The following PIK3CD variants were observed in gnomAD, a reference collection of about 807,000 sequenced individuals.
PIK3CD encodes phosphatidylinositol-4,5-bisphosphate 3-kinase catalytic subunit delta.
Under a neutral mutation model 122.9 loss-of-function variants are expected in PIK3CD, and 20 were observed. The observed-to-expected ratio is 0.16, with a 90% confidence interval of 0.11 to 0.24. The LOEUF (loss-of-function observed/expected upper bound fraction) is 0.24. PIK3CD is among the 10% of genes least tolerant of loss of function. The pLI, the probability that PIK3CD is intolerant of heterozygous loss-of-function variation, is 1.00. For synonymous variants in PIK3CD, 596 were observed against 593.4 expected (o/e 1.00, Z -0.06); for missense variants, 787 against 1,406.3 (o/e 0.56, Z 7.04).
At chr1:9,691,124 G>A (rs1646182010) in intron 1 of PIK3CD, among the ~76,000 whole-genome samples, 1 of 152,176 alleles carries the variant, frequency 6.6e-6, no homozygotes, top group Non-Finnish European at 1.5e-5. Context: ...AATGGAACTC[G>A]AACCCAGGCT....
In PIK3CD at chr1:9,695,733, T is replaced by C. The variant is rs532324141; in HGVS notation, c.-33+4162T>C. Among the ~76,000 whole-genome samples, 365 of 151,790 alleles carry C rather than the reference T, an allele frequency of 2.4e-3. 1 individual carries two copies. The highest frequency in any genetic ancestry group is 8.1e-3 in the African/African-American group (335 of 41,438). ...GGCATGTGCCTGTAATCCCAGCTAC[T>C]TGGGAGGCTGAGGCAGGAGAATCGC... is the stretch of plus-strand genomic sequence containing the variant. On this transcript the variant is annotated intron_variant, in intron 2 of 23. Transcript: ENST00000377346.
chr1:9,725,636 T>TG (rs1452339949), intron 23 of PIK3CD, among the ~76,000 whole-genome samples: 1 of 151,884 alleles, frequency 6.6e-6, no homozygotes, highest in Non-Finnish European at 1.5e-5. Flanking sequence ...CCCAGCACTT[T>TG]GGGGGGCTGA....
intron 1 of PIK3CD, among the ~76,000 whole-genome samples, chr1:9,675,285 C>A (rs966547315): frequency 1.4e-5 from 2 of 144,388 alleles, no homozygotes; most frequent in African/African-American, 5.2e-5. Context: ...ACTCGGGAGG[C>A]TGAGGCAGGA....
the PIK3CD span, among the ~76,000 whole-genome samples, chr1:9,638,731 CAA>C: frequency 5.8e-5 from 4 of 69,226 alleles, no homozygotes; most frequent in Admixed American, 2.0e-4. Flanking sequence ...GACTCCTTCT[CAA>C]AAAAAAAAAA....
rs1222369456 is a variant in PIK3CD at position 9,722,835 on chromosome 1, C to G, written c.2426+229C>G. On this transcript the variant is annotated intron_variant, in intron 19 of 23. Transcript: ENST00000377346. The surrounding 1 kb of genome is among the most constrained non-coding windows in gnomAD (Gnocchi z 7.6). ...TACCCTGCTCTGTTGCTTTAGTTGC[C>G]CAGGTGCCCCTGGCTTCCCCAGCCC... 1.3e-5 allele frequency among the ~76,000 whole-genome samples: 2 copies of G among 152,102 alleles called. No individual in the cohort carries two copies. The highest frequency in any genetic ancestry group is 1.9e-4 in the East Asian group (1 of 5,176).
intron 2 of PIK3CD, among the ~76,000 whole-genome samples, chr1:9,702,666 A>G (rs1433498222): frequency 6.6e-6 from 1 of 151,180 alleles, no homozygotes; most frequent in African/African-American, 2.4e-5. Flanking sequence ...GATTATAGGC[A>G]TGTGCCACCA....
the PIK3CD span, among the ~76,000 whole-genome samples, chr1:9,642,090 T>C: frequency 9.4e-5 from 14 of 149,146 alleles, no homozygotes; most frequent in African/African-American, 3.5e-4. Flanking sequence ...CTTTCTGTTC[T>C]ATTTTTTAAT....
At chr1:9,630,739 T>TGC in the PIK3CD span, among the ~76,000 whole-genome samples, 7,207 of 150,904 alleles carry the variant, frequency 0.048, 515 homozygotes, top group East Asian at 0.34. Context: ...TGTGTGTGTG[T>TGC]GCAGAAGAGG....
intron 1 of PIK3CD, chr1:9,660,757 C>T (rs920613388): frequency 6.6e-6 from 1 of 152,100 alleles, no homozygotes; most frequent in African/African-American, 2.4e-5. Context: ...CTTTCAGTCG[C>T]CAGTTCTACT....
At position 9,718,000 on chromosome 1, in the gene PIK3CD, C is replaced by T. The variant is rs980628097; in HGVS notation, c.1020+374C>T. 4 of 458,598 alleles carry T rather than the reference C, an allele frequency of 8.7e-6. No homozygotes were observed. The highest frequency in any genetic ancestry group is 5.4e-5 in the East Asian group (1 of 18,446). The allele number at this position is 458,598 out of a possible 1,614,324, so 28.4% of individuals were successfully genotyped here. A position where few individuals can be genotyped will look rare whatever the true frequency, so the allele number is the denominator to read the frequency against. On this transcript the variant is annotated intron_variant, in intron 8 of 23. Coordinates refer to ENST00000377346, the MANE Select transcript of PIK3CD (RefSeq NM_005026.5). The surrounding 1 kb of genome is among the most constrained non-coding windows in gnomAD (Gnocchi z 5.4). ...GTGGTGCTCCCTGGAGGCACCAGGG[C>T]GGTGCCTGCAGCCTGTGAGGGCTGC...
At chr1:9,631,578 C>A in the PIK3CD span, among the ~76,000 whole-genome samples, 1 of 152,208 alleles carries the variant, frequency 6.6e-6, no homozygotes, top group East Asian at 1.9e-4. Context: ...ATCGTTTGAA[C>A]CCTGGATGCG....
intron 1 of PIK3CD, among the ~76,000 whole-genome samples, chr1:9,671,306 C>T (rs957587085): frequency 1.3e-5 from 2 of 152,108 alleles, no homozygotes; most frequent in Non-Finnish European, 2.9e-5. Context: ...ACCGTGTTGC[C>T]CAGACTGGTC....
Position 9,689,398 on chromosome 1 carries a change from G to T in PIK3CD, c.-137-2069G>T, listed in dbSNP as rs1646100850. Among the ~76,000 whole-genome samples the T allele has an allele frequency of 6.6e-6, 1 of 151,636 alleles. No homozygotes were observed. The highest frequency in any genetic ancestry group is 1.5e-5 in the Non-Finnish European group (1 of 67,852). Reference sequence around the variant, plus strand: ...CTCCGCCGCCCGTGTGAGCTCGGGCGCTTCTCCCGGCTGGGGGTGTGAGAA... The same window carrying T: ...CTCCGCCGCCCGTGTGAGCTCGGGCTCTTCTCCCGGCTGGGGGTGTGAGAA... On this transcript the variant is annotated intron_variant, in intron 1 of 23. Coordinates refer to ENST00000377346, the MANE Select transcript of PIK3CD (RefSeq NM_005026.5). This position sits in a 1 kb window ranked among gnomAD's most constrained non-coding sequence, Gnocchi z 6.1.
intron 1 of PIK3CD, among the ~76,000 whole-genome samples, chr1:9,676,710 C>T (rs1645552547): frequency 6.6e-6 from 1 of 152,222 alleles, no homozygotes; most frequent in Non-Finnish European, 1.5e-5. Flanking sequence ...TTCCCCGTCA[C>T]CTCCTTGAGT....
rs976382496 is a variant in PIK3CD at position 9,717,685 on chromosome 1, T to C, written c.1020+59T>C. On this transcript the variant is annotated intron_variant, in intron 8 of 23. Transcript: ENST00000377346. The surrounding 1 kb of genome is among the most constrained non-coding windows in gnomAD (Gnocchi z 5.4). ...TTTTTTTGCACAAACAAGGTGGCTG[T>C]ATCCTGGAGGGGTAGCAGAGGAAGG... 2 of 1,469,372 alleles carry C rather than the reference T, an allele frequency of 1.4e-6. No homozygotes were observed. Among genetic ancestry groups the C allele is most frequent in the African/African-American group, 2.8e-5 (2 of 72,134 alleles). The allele number at this position is 1,469,372 out of a possible 1,614,324, so 91.0% of individuals were successfully genotyped here.
chr1:9,716,697 A>T (rs189205809), intron 6 of PIK3CD, 78 bp downstream of exon 6: 1 of 1,438,738 alleles, frequency 7.0e-7, no homozygotes, highest in East Asian at 2.5e-5. Context: ...GGGAGCTGAC[A>T]TTTGGGCGCA....
chr1:9,721,372 C>A, intron 14 of PIK3CD, 72 bp from the exon 15 acceptor site: 1 of 1,609,280 alleles, frequency 6.2e-7, no homozygotes, highest in African/African-American at 1.3e-5. Context: ...TGGCCTCCCT[C>A]TGGCTGCCGA....
chr1:9,728,790 ATTTTCTATTT>A lies in PIK3CD; in HGVS notation c.*1749_*1758del, dbSNP rs1182301159. The A allele has an allele frequency of 6.6e-6, 1 of 152,112 alleles. No individual in the cohort carries two copies. The highest frequency in any genetic ancestry group is 1.5e-5 in the Non-Finnish European group (1 of 68,032). 9.4% of individuals were successfully genotyped at this position (152,112 alleles called of 1,614,324 possible). On this transcript the variant is annotated 3_prime_UTR_variant, in exon 24 of 24. Coordinates refer to ENST00000377346, the MANE Select transcript of PIK3CD (RefSeq NM_005026.5). The stretch of plus-strand genomic sequence containing the variant: ...GTCTTGTGTGCCTGGCGAGAAGAAT[ATTTTCTATTT>A]TTTTAAGTCATTTCATGTTTCTGTC...
At chr1:9,687,360 ACTC>A (rs1223198497) in intron 1 of PIK3CD, 1 of 151,396 alleles carries the variant, frequency 6.6e-6, no homozygotes, top group Non-Finnish European at 1.5e-5. Context: ...TGCACCCAGA[ACTC>A]CTCCCAGCCT....
Sources: gnomAD v4.1 joint callset for allele counts (sites outside exome capture counted in the v4.1 genomes callset) on GRCh38, gnomAD v4.1.1 for gene constraint, Gnocchi (gnomAD v3.1) non-coding constraint, MANE v1.5 for transcripts, NCBI Gene and HGNC (gene_info 2026-07-23, HGNC 2026-07-21) for gene names.